SLC25A30: variants seen among roughly 807,000 people sequenced by gnomAD.
SLC25A30 encodes kidney mitochondrial carrier protein 1.
A neutral mutation model predicts 42.7 loss-of-function variants in SLC25A30; 29 were observed. The ratio of observed to expected loss-of-function variants is 0.68; its 90% confidence interval spans 0.51 to 0.93. The LOEUF (loss-of-function observed/expected upper bound fraction) is 0.93, where lower values mean the gene tolerates loss of function less well. Ranked by LOEUF, SLC25A30 falls within the 40% of genes least tolerant of loss-of-function variation. The probability of loss-of-function intolerance (pLI) is 0.00; values close to 1 mark genes in which losing one functional copy is unlikely to be tolerated. For synonymous variants in SLC25A30, 124 were observed against 131.0 expected, an observed-to-expected ratio of 0.95 and a Z score of 0.37; for missense variants, 300 against 359.7, an observed-to-expected ratio of 0.83 and a Z score of 1.34.
At chr13:45,425,780 C>T in the SLC25A30 span, among the ~76,000 whole-genome samples, 1 of 145,732 alleles carries the variant, frequency 6.9e-6, no homozygotes, top group Non-Finnish European at 1.5e-5. Context: ...GCCGTCTCCA[C>T]CTCCTGAATT....
the SLC25A30 span, among the ~76,000 whole-genome samples, chr13:45,431,893 A>G: frequency 6.6e-6 from 1 of 152,084 alleles, no homozygotes; most frequent in African/African-American, 2.4e-5. Flanking sequence ...AGCTCAAACC[A>G]AAAACCAAGG....
At chr13:45,417,071 T>C (rs1266304661) in intron 1 of SLC25A30, among the ~76,000 whole-genome samples, 4 of 152,166 alleles carry the variant, frequency 2.6e-5, no homozygotes, top group Admixed American at 2.6e-4. Flanking sequence ...TGGAGTACAA[T>C]AGCATGATCT....
At chr13:45,423,733 T>TATACATAA in the SLC25A30 span, among the ~76,000 whole-genome samples, 345 of 58,986 alleles carry the variant, frequency 5.8e-3, 74 homozygotes, top group Non-Finnish European at 8.0e-3. Context: ...TATATATAAA[T>TATACATAA]ATATATAAAT....
In SLC25A30 at chr13:45,408,707, G is replaced by A. The variant is rs537286223; in HGVS notation, c.212+220C>T. On this transcript the variant is annotated intron_variant, in intron 3 of 9. Coordinates refer to ENST00000519676, the MANE Select transcript of SLC25A30 (RefSeq NM_001010875.4). The stretch of plus-strand genomic sequence containing the variant: ...CATAATTTTTTATTGTTGTCTGTCT[G>A]TACTTGAATATAGTAAAACAGTTTC... Among the ~76,000 whole-genome samples the A allele has an allele frequency of 4.6e-5, 7 of 152,314 alleles. No homozygotes were observed. In the East Asian group the frequency reaches 7.7e-4, roughly 17 times the overall value.
chr13:45,414,560 T>C (rs1237282598), intron 1 of SLC25A30, among the ~76,000 whole-genome samples: 1 of 151,424 alleles, frequency 6.6e-6, no homozygotes, highest in Admixed American at 6.6e-5. Flanking sequence ...GAAGTTGCAG[T>C]GAGCCAAGAT....
the SLC25A30 span, among the ~76,000 whole-genome samples, chr13:45,433,615 G>A: frequency 2.0e-5 from 3 of 152,162 alleles, no homozygotes; most frequent in East Asian, 1.9e-4. Context: ...AGTTTAGCAC[G>A]AGGACTCTGA....
intron 3 of SLC25A30, among the ~76,000 whole-genome samples, chr13:45,407,292 G>A (rs926385642): frequency 1.3e-5 from 2 of 152,034 alleles, no homozygotes; most frequent in Non-Finnish European, 2.9e-5. Flanking sequence ...CCAGCTACTC[G>A]GGAGGCTGAG....
At position 45,395,765 on chromosome 13, in the gene SLC25A30, T is replaced by C. The variant is rs1881262004; in HGVS notation, c.*209A>G. On this transcript the variant is annotated 3_prime_UTR_variant, in exon 10 of 10. Coordinates refer to ENST00000519676, the MANE Select transcript of SLC25A30 (RefSeq NM_001010875.4). Reference sequence around the variant, plus strand: ...AGGGCACTTCAGTGGTAAAGACTAGTGTTTGGATGTTAGTTTATGCCATTA... The same window carrying C: ...AGGGCACTTCAGTGGTAAAGACTAGCGTTTGGATGTTAGTTTATGCCATTA... 1.4e-6 allele frequency: 2 copies of C among 1,437,568 alleles called. No homozygotes were observed. The highest frequency in any genetic ancestry group is 2.9e-5 in the South Asian group (2 of 68,656). 89.1% of individuals were successfully genotyped at this position (1,437,568 alleles called of 1,614,324 possible).
chr13:45,409,638 G>A (rs923910040), intron 2 of SLC25A30, among the ~76,000 whole-genome samples: 8 of 152,048 alleles, frequency 5.3e-5, no homozygotes, highest in East Asian at 1.9e-4. Context: ...GTGAAACCCC[G>A]TCTCTACTAA....
chr13:45,402,167 C>T, intron 6 of SLC25A30, 108 bp downstream of exon 6: 1 of 762,054 alleles, frequency 1.3e-6, no homozygotes, highest in South Asian at 1.9e-5. Flanking sequence ...CACTCCTCTT[C>T]CCTTACTCCA....
chr13:45,405,432 C>T (rs1000837091), intron 4 of SLC25A30, among the ~76,000 whole-genome samples: 3 of 152,172 alleles, frequency 2.0e-5, no homozygotes, highest in Non-Finnish European at 4.4e-5. Flanking sequence ...GTGTCTGGTA[C>T]TCATCCCATT....
At chr13:45,425,975 G>A in the SLC25A30 span, among the ~76,000 whole-genome samples, 1 of 147,648 alleles carries the variant, frequency 6.8e-6, no homozygotes. Context: ...TTACAGGCAT[G>A]AGCCACTTCG....
At chr13:45,406,088 A>AT (rs34513916) in intron 3 of SLC25A30, 111 bp from the exon 4 acceptor site, 224,753 of 714,004 alleles carry the variant, frequency 0.31, 15,765 homozygotes, top group Non-Finnish European at 0.35. Flanking sequence ...CTCTAAAACA[A>AT]TTTTTTTTTT....
the SLC25A30 span, among the ~76,000 whole-genome samples, chr13:45,426,019 A>AT: frequency 6.8e-6 from 1 of 147,212 alleles, no homozygotes. Context: ...ATATATACAT[A>AT]TAAAATATAT....
At chr13:45,416,578 G>A (rs1221740335) in intron 1 of SLC25A30, among the ~76,000 whole-genome samples, 2 of 151,984 alleles carry the variant, frequency 1.3e-5, no homozygotes, top group East Asian at 3.9e-4. Flanking sequence ...ACCAGCCTGG[G>A]CAACAGAATG....
At position 45,393,740 on chromosome 13, in the gene SLC25A30, A is replaced by C; in HGVS notation, c.*2234T>G. On this transcript the variant is annotated 3_prime_UTR_variant, in exon 10 of 10. Transcript: ENST00000519676. ...ACTCTTTCAAAAAAACAGAAAAAGCAGGTTAAGATCCTGTTCAATAAGGCA... is the reference window on the plus strand; with the variant it reads ...ACTCTTTCAAAAAAACAGAAAAAGCCGGTTAAGATCCTGTTCAATAAGGCA... 1.0e-6 allele frequency: 1 copy of C among 985,444 alleles called. No homozygotes were observed. Among genetic ancestry groups the C allele is most frequent in the Non-Finnish European group, 1.2e-6 (1 of 829,914 alleles). The allele number at this position is 985,444 out of a possible 1,614,324, so 61.0% of individuals were successfully genotyped here. A position where few individuals can be genotyped will look rare whatever the true frequency, so the allele number is the denominator to read the frequency against.
At chr13:45,412,434 T>C (rs546571932) in intron 1 of SLC25A30, among the ~76,000 whole-genome samples, 1 of 152,146 alleles carries the variant, frequency 6.6e-6, no homozygotes. Flanking sequence ...AAATATCGGC[T>C]CACTTCTCTT....
chr13:45,408,828 C>A, intron 3 of SLC25A30, 99 bp downstream of exon 3: 3 of 1,133,182 alleles, frequency 2.6e-6, no homozygotes, highest in Non-Finnish European at 2.4e-6. Context: ...TCAAACACAC[C>A]TCAAACTTTT....
At chr13:45,429,056 CTTTT>C in the SLC25A30 span, among the ~76,000 whole-genome samples, 5 of 93,860 alleles carry the variant, frequency 5.3e-5, no homozygotes, top group South Asian at 3.8e-4. Context: ...TGTGCAAGCT[CTTTT>C]TTTTTTTTTT....
Sources: allele counts gnomAD v4.1 joint callset (sites outside exome capture counted in the v4.1 genomes callset), GRCh38; gene constraint gnomAD v4.1.1; transcripts MANE v1.5; gene names NCBI Gene and HGNC (gene_info 2026-07-23, HGNC 2026-07-21).